CSMD1: variants seen among roughly 807,000 people sequenced by gnomAD.
The protein encoded by CSMD1 is CUB and Sushi multiple domains 1, also known as CUB and sushi domain-containing protein 1.
CSMD1 carries 213 observed loss-of-function variants against 417.5 expected under a neutral mutation model. The ratio of observed to expected loss-of-function variants is 0.51; its 90% CI spans 0.46 to 0.57. CSMD1 has a LOEUF of 0.57. Among genes scored for constraint, CSMD1 ranks in the 20% least tolerant of loss-of-function variants. CSMD1 has a pLI of 0.00. For synonymous variants in CSMD1, 2,862 were observed against 1,736.8 expected (o/e 1.65, Z -16.11); for missense variants, 6,923 against 4,529.7 (o/e 1.53, Z -15.17).
chr8:4,633,413 ATTT>A (rs546095176), intron 2 of CSMD1, among the ~76,000 whole-genome samples: 1 of 150,022 alleles, frequency 6.7e-6, no homozygotes. Flanking sequence ...CGCCCAGCTA[ATTT>A]TTTTTTGTAT....
At chr8:4,797,973 T>G (rs886715676) in intron 1 of CSMD1, among the ~76,000 whole-genome samples, 1 of 152,218 alleles carries the variant, frequency 6.6e-6, no homozygotes, top group Non-Finnish European at 1.5e-5. Flanking sequence ...TTTTCCCAAA[T>G]GCATCTATGC....
chr8:3,674,743 TC>T (rs913401363), intron 7 of CSMD1, among the ~76,000 whole-genome samples: 1 of 152,102 alleles, frequency 6.6e-6, no homozygotes, highest in African/African-American at 2.4e-5. Context: ...CTGCCCTTCA[TC>T]CCAACTTCAC....
chr8:4,746,707 G>A (rs529218759), intron 1 of CSMD1, among the ~76,000 whole-genome samples: 105 of 152,182 alleles, frequency 6.9e-4, no homozygotes, highest in African/African-American at 2.4e-3. Flanking sequence ...CTGAGCTGCT[G>A]GGGCTAATCC....
At chr8:4,324,677 T>C (rs777578555) in intron 3 of CSMD1, among the ~76,000 whole-genome samples, 1 of 152,142 alleles carries the variant, frequency 6.6e-6, no homozygotes, top group South Asian at 2.1e-4. Context: ...GCTCAGAGGA[T>C]ATAAGGGCAA....
intron 7 of CSMD1, among the ~76,000 whole-genome samples, chr8:3,677,411 C>A (rs1036087177): frequency 6.6e-6 from 1 of 152,144 alleles, no homozygotes; most frequent in Non-Finnish European, 1.5e-5. Flanking sequence ...AAGGCCAATG[C>A]ATGGGAAACA....
At chr8:3,266,810 C>T (rs988634020) in intron 26 of CSMD1, among the ~76,000 whole-genome samples, 1 of 149,210 alleles carries the variant, frequency 6.7e-6, no homozygotes, top group Non-Finnish European at 1.5e-5. Context: ...GGACCACCCT[C>T]AGATGAATTG....
intron 61 of CSMD1, among the ~76,000 whole-genome samples, chr8:2,962,105 A>T (rs74336510): frequency 0.03 from 4,545 of 152,304 alleles, 94 homozygotes; most frequent in East Asian, 0.088. Context: ...CAGCAATAAA[A>T]CAACAGCAAG....
chr8:4,035,578 G>T (rs556757514), intron 3 of CSMD1, among the ~76,000 whole-genome samples: 7 of 150,372 alleles, frequency 4.7e-5, no homozygotes, highest in East Asian at 1.9e-4. Flanking sequence ...TAGGGTGTGT[G>T]TTTGAGTCTT....
intron 2 of CSMD1, among the ~76,000 whole-genome samples, chr8:4,496,479 T>A (rs1449745801): frequency 1.3e-5 from 2 of 152,148 alleles, no homozygotes; most frequent in Non-Finnish European, 2.9e-5. Context: ...ACGTGGAATC[T>A]CCGTTTGCGG....
intron 7 of CSMD1, among the ~76,000 whole-genome samples, chr8:3,639,390 T>C (rs1466245658): frequency 6.6e-6 from 1 of 152,196 alleles, no homozygotes; most frequent in Non-Finnish European, 1.5e-5. Context: ...TGAGGGTTCA[T>C]CAAAATTCCC....
intron 3 of CSMD1, among the ~76,000 whole-genome samples, chr8:4,085,525 TC>T (rs1444654355): frequency 1.3e-5 from 2 of 152,146 alleles, no homozygotes; most frequent in Non-Finnish European, 1.5e-5. Context: ...TTTTATCCTA[TC>T]CGTTCTTTGT....
intron 2 of CSMD1, among the ~76,000 whole-genome samples, chr8:4,462,032 G>T (rs918017707): frequency 6.6e-6 from 1 of 151,742 alleles, no homozygotes; most frequent in South Asian, 2.1e-4. Flanking sequence ...GAGCCACCAC[G>T]TCTGGCTGCT....
Position 3,796,011 on chromosome 8 carries a change from G to C in CSMD1, c.819-41969C>G, listed in dbSNP as rs1200960130. Among the ~76,000 whole-genome samples the C allele has an allele frequency of 6.9e-5, 4 of 57,892 alleles. 1 individual carries two copies. The highest frequency in any genetic ancestry group is 1.1e-4 in the African/African-American group (2 of 18,068). 38.0% of individuals were successfully genotyped at this position (57,892 alleles called of 152,430 possible). ...TAGATATATATCTATCATGTATATA[G>C]ATATATATCATGTATAGATATAGAT... On this transcript the variant is annotated intron_variant, in intron 5 of 69. Coordinates refer to ENST00000635120, the MANE Select transcript of CSMD1 (RefSeq NM_033225.6).
chr8:4,554,074 G>A (rs180783189), intron 2 of CSMD1, among the ~76,000 whole-genome samples: 2 of 152,194 alleles, frequency 1.3e-5, no homozygotes. Flanking sequence ...CCAAACTTCA[G>A]GTTTTTAATA....
chr8:3,519,639 A>G (rs1260801633), intron 10 of CSMD1, among the ~76,000 whole-genome samples: 1 of 152,224 alleles, frequency 6.6e-6, no homozygotes, highest in Non-Finnish European at 1.5e-5. Flanking sequence ...TCTGTAGCAC[A>G]TGCATACGAA....
chr8:4,721,614 T>C (rs913241950), intron 1 of CSMD1, among the ~76,000 whole-genome samples: 4 of 152,216 alleles, frequency 2.6e-5, no homozygotes, highest in Non-Finnish European at 5.9e-5. Flanking sequence ...TGTGTGAATA[T>C]AGATTGGTAT....
chr8:4,765,120 G>T (rs1812375775), intron 1 of CSMD1, among the ~76,000 whole-genome samples: 1 of 151,930 alleles, frequency 6.6e-6, no homozygotes, highest in African/African-American at 2.4e-5. Context: ...TCAAATCTTG[G>T]GTCTCCCTCT....
intron 3 of CSMD1, among the ~76,000 whole-genome samples, chr8:4,285,121 G>T (rs532450084): frequency 1.3e-5 from 2 of 152,174 alleles, no homozygotes; most frequent in East Asian, 1.9e-4. Flanking sequence ...AATGAGAAAA[G>T]TCCTTTTAAC....
intron 1 of CSMD1, among the ~76,000 whole-genome samples, chr8:4,696,530 C>G (rs180905955): frequency 2.8e-4 from 42 of 152,232 alleles, no homozygotes; most frequent in Admixed American, 5.9e-4. Flanking sequence ...ATTATCCTAC[C>G]CTGGAAGCCC....
Sources: allele counts gnomAD v4.1 joint callset (sites outside exome capture counted in the v4.1 genomes callset), GRCh38; gene constraint gnomAD v4.1.1; transcripts MANE v1.5; gene names NCBI Gene and HGNC (gene_info 2026-07-23, HGNC 2026-07-21).